ZNF808: variants seen among roughly 807,000 people sequenced by gnomAD.
The protein encoded by ZNF808 is zinc finger protein 808.
A neutral mutation model predicts 8.7 loss-of-function variants in ZNF808; 5 were observed. That is an observed-to-expected ratio of 0.58 (90% CI 0.30 to 1.21). The LOEUF is 1.21. Ranked by LOEUF, ZNF808 falls within the 50% of genes most tolerant of loss-of-function variation. The probability of loss-of-function intolerance (pLI) is 0.07; values close to 1 mark genes in which losing one functional copy is unlikely to be tolerated. For missense variants in ZNF808, 1,103 were observed against 1,098.4 expected, an observed-to-expected ratio of 1.00 and a Z score of -0.06; for synonymous variants, 380 against 366.0, an observed-to-expected ratio of 1.04 and a Z score of -0.44.
At chr19:52,557,547 C>T (rs1399046989), downstream of ZNF808, among the ~76,000 whole-genome samples, 2 of 152,172 alleles carry the variant, frequency 1.3e-5, no homozygotes, top group South Asian at 2.1e-4. Context: ...GGATTACAGG[C>T]GTGAGCCATC....
intron 1 of ZNF808, among the ~76,000 whole-genome samples, chr19:52,530,469 C>T (rs1455153076): frequency 2.6e-5 from 4 of 151,788 alleles, no homozygotes; most frequent in Non-Finnish European, 4.4e-5. Context: ...CAAGACCAGC[C>T]TGGCTGACAC....
Position 52,547,535 on chromosome 19 carries a change from G to A in ZNF808, c.87G>A (p.Val29=). Residue 29 remains valine, a synonymous_variant, in exon 4 of 5, where the codon GTG becomes GTA. Transcript: ENST00000359798. The part of the protein sequence containing the change: ...LPQGRLTFRD[V]AIEFSLAEWK... ...AGGGACGCTTGACTTTCAGGGATGT[G>A]GCTATAGAATTCTCATTGGCAGAGT... The A allele has an allele frequency of 6.2e-7, 1 of 1,613,984 alleles. No homozygotes were observed. The highest frequency in any genetic ancestry group is 8.5e-7 in the Non-Finnish European group (1 of 1,179,972).
chr19:52,559,876 G>A (rs1043020845), downstream of ZNF808, among the ~76,000 whole-genome samples: 1 of 151,900 alleles, frequency 6.6e-6, no homozygotes, highest in Non-Finnish European at 1.5e-5. Context: ...AGAGATGCAC[G>A]CCACCACGCT....
chr19:52,531,138 AAAAG>A (rs2059558305), intron 1 of ZNF808, among the ~76,000 whole-genome samples: 1 of 152,168 alleles, frequency 6.6e-6, no homozygotes, highest in South Asian at 2.1e-4. Flanking sequence ...AAAAAACAAA[AAAAG>A]AAATAGCAAT....
chr19:52,535,826 G>C (rs1234727648), intron 2 of ZNF808, among the ~76,000 whole-genome samples: 2 of 151,978 alleles, frequency 1.3e-5, no homozygotes, highest in Middle Eastern at 3.2e-3. Context: ...TCCAAACACC[G>C]AAAAAAACAG....
At chr19:52,550,098 G>A (rs926722488) in intron 4 of ZNF808, among the ~76,000 whole-genome samples, 13 of 152,142 alleles carry the variant, frequency 8.5e-5, no homozygotes, top group Admixed American at 3.3e-4. Context: ...AGAACATGTC[G>A]TGGGATCCTT....
chr19:52,547,728 C>T, intron 4 of ZNF808, 90 bp downstream of exon 4: 1 of 1,524,644 alleles, frequency 6.6e-7, no homozygotes, highest in Non-Finnish European at 8.7e-7. Flanking sequence ...GATTTTGCCC[C>T]ATCCATGCTG....
At chr19:52,547,389 A>G in intron 3 of ZNF808, 123 bp from the exon 4 acceptor site, 2 of 1,548,208 alleles carry the variant, frequency 1.3e-6, no homozygotes, top group Non-Finnish European at 8.7e-7. Flanking sequence ...AAATACCTTA[A>G]CATCCTTTTG....
downstream of ZNF808, among the ~76,000 whole-genome samples, chr19:52,561,098 G>A (rs1001302886): frequency 4.0e-5 from 6 of 151,076 alleles, no homozygotes; most frequent in African/African-American, 1.5e-4. Context: ...TGTCAGCAGC[G>A]CAGCTCAGCG....
intron 4 of ZNF808, among the ~76,000 whole-genome samples, chr19:52,552,098 A>G (rs894719314): frequency 6.6e-6 from 1 of 151,950 alleles, no homozygotes; most frequent in Non-Finnish European, 1.5e-5. Flanking sequence ...GATCACTGCA[A>G]AGTCCACCTC....
downstream of ZNF808, among the ~76,000 whole-genome samples, chr19:52,557,204 C>G (rs1031136651): frequency 6.6e-6 from 1 of 151,078 alleles, no homozygotes; most frequent in African/African-American, 2.4e-5. Context: ...CTCCTGACCT[C>G]GTGATCCGCC....
intron 3 of ZNF808, among the ~76,000 whole-genome samples, chr19:52,562,609 T>C (rs540746595): frequency 6.6e-6 from 1 of 152,354 alleles, no homozygotes; most frequent in African/African-American, 2.4e-5. Context: ...ATGTTTTCTC[T>C]GATCCCAGTT....
chr19:52,551,987 G>A (rs1568487943), intron 4 of ZNF808, among the ~76,000 whole-genome samples: 1 of 152,024 alleles, frequency 6.6e-6, no homozygotes, highest in South Asian at 2.1e-4. Flanking sequence ...TGGAGTGCAA[G>A]ACTCCTTCTC....
In ZNF808 at chr19:52,555,795, A is replaced by G. The variant is rs1171494705; in HGVS notation, c.*167A>G. The G allele has an allele frequency of 5.6e-6, 6 of 1,075,422 alleles. No homozygotes were observed. Among genetic ancestry groups the G allele is most frequent in the South Asian group, 2.7e-5 (2 of 74,670 alleles). The allele number at this position is 1,075,422 out of a possible 1,614,324, so 66.6% of individuals were successfully genotyped here. A position where few individuals can be genotyped will look rare whatever the true frequency, so the allele number is the denominator to read the frequency against. On this transcript the variant is annotated 3_prime_UTR_variant, in exon 5 of 5. Coordinates refer to ENST00000359798, the MANE Select transcript of ZNF808 (RefSeq NM_001039886.4). Reference sequence around the variant, plus strand: ...CCTCATACTGGAGAGAAACCTTACAAATGTCATGATTGAGGCAAGGTCTTC... The same window carrying G: ...CCTCATACTGGAGAGAAACCTTACAGATGTCATGATTGAGGCAAGGTCTTC...
chr19:52,546,916 A>G (rs61049110), intron 3 of ZNF808, among the ~76,000 whole-genome samples: 1,891 of 147,518 alleles, frequency 0.013, 37 homozygotes, highest in African/African-American at 0.045. Flanking sequence ...TGCTAGGATT[A>G]CAGGCGAGAG....
chr19:52,546,673 CTTGCTCTG>C (rs67874779), intron 3 of ZNF808, among the ~76,000 whole-genome samples: 42,949 of 122,184 alleles, frequency 0.35, 7,607 homozygotes, highest in East Asian at 0.54. Flanking sequence ...GAGATGGAAT[CTTGCTCTG>C]TTGCCAAGCT....
chr19:52,528,118 G>A (rs1429220832), intron 1 of ZNF808, among the ~76,000 whole-genome samples: 3 of 152,048 alleles, frequency 2.0e-5, no homozygotes, highest in African/African-American at 7.2e-5. Context: ...CCTCTGCCTG[G>A]TCCTGGGATC....
chr19:52,543,201 T>C (rs2059689072), intron 2 of ZNF808, 65 bp from the exon 3 acceptor site: 1 of 1,537,620 alleles, frequency 6.5e-7, no homozygotes, highest in East Asian at 2.3e-5. Context: ...CCGGTTCATG[T>C]GGTTTTGTCA....
chr19:52,540,852 G>C (rs1299646125), intron 2 of ZNF808, among the ~76,000 whole-genome samples: 1 of 152,174 alleles, frequency 6.6e-6, no homozygotes, highest in African/African-American at 2.4e-5. Context: ...TTTTCTGGGA[G>C]TGAGTAATGA....
Sources: allele counts gnomAD v4.1 joint callset (sites outside exome capture counted in the v4.1 genomes callset), GRCh38; gene constraint gnomAD v4.1.1; transcripts MANE v1.5; gene names NCBI Gene and HGNC (gene_info 2026-07-23, HGNC 2026-07-21).